Variants in HSD3B1 observed in about 807,000 individuals in gnomAD.
HSD3B1 encodes hydroxy-delta-5-steroid dehydrogenase, 3 beta- and steroid delta-isomerase 1.
Under a neutral mutation model 10.4 loss-of-function variants are expected in HSD3B1, and 11 were observed. The observed-to-expected ratio is 1.05, with a 90% CI of 0.66 to 1.75. The LOEUF (loss-of-function observed/expected upper bound fraction) is 1.75, where lower values mean the gene tolerates loss of function less well. HSD3B1 is among the 40% of genes most tolerant of loss of function. The pLI, the probability that HSD3B1 is intolerant of heterozygous loss-of-function variation, is 0.00. For synonymous variants in HSD3B1, 217 were observed against 185.4 expected (o/e 1.17, Z -1.39); for missense variants, 490 against 454.5 (o/e 1.08, Z -0.71).
Position 119,514,190 on chromosome 1 carries a change from C to T in HSD3B1, c.667C>T (p.Pro223Ser), listed in dbSNP as rs896344171. The T allele has an allele frequency of 5.0e-6, 8 of 1,613,330 alleles. No homozygotes were observed. The highest frequency in any genetic ancestry group is 6.8e-6 in the Non-Finnish European group (8 of 1,179,420). ...TGTTGGAAAGTTCTCCACTGTTAACCCAGTCTATGTTGGCAATGTGGCCTG... is the reference window on the plus strand; with the variant it reads ...TGTTGGAAAGTTCTCCACTGTTAACTCAGTCTATGTTGGCAATGTGGCCTG... The part of the protein sequence containing the change: ...SSVGKFSTVN[P>S]VYVGNVAWAH... The change falls in exon 4 of 4, where the codon CCA becomes TCA. Residue 223 changes from proline to serine, a missense_variant. By Grantham distance (74) the Pro-to-Ser change is moderately conservative. Transcript: ENST00000369413.
intron 3 of HSD3B1, 117 bp downstream of exon 3, chr1:119,511,784 T>A: frequency 1.0e-6 from 1 of 953,530 alleles, no homozygotes; most frequent in Non-Finnish European, 1.7e-6. Flanking sequence ...GCCAAGTGCC[T>A]TTGCTGATCA....
rs1208364227 is a variant in HSD3B1, at chr1:119,510,730, T to G, written c.146-773T>G. On this transcript the variant is annotated intron_variant, in intron 2 of 3. Coordinates refer to ENST00000369413, the MANE Select transcript of HSD3B1 (RefSeq NM_000862.3). ...TTGTGTGGTTTTCTTTTTTTTTTTT[T>G]TTTTTTTTTTTTTTTTTTTTTTTTG... Among the ~76,000 whole-genome samples the G allele has an allele frequency of 5.1e-4, 37 of 72,160 alleles. 2 individuals are homozygous for G. The highest frequency in any genetic ancestry group is 3.8e-3 in the African/African-American group (36 of 9,368). The allele number at this position is 72,160 out of a possible 152,430, so 47.3% of individuals were successfully genotyped here.
Position 119,508,156 on chromosome 1 carries a change from GGGGGAGAGAGAGTC to G in HSD3B1, c.145+561_145+574del, listed in dbSNP as rs201834332. The G allele has an allele frequency of 8.7e-4, 134 of 153,900 alleles. 1 individual carries two copies. Among genetic ancestry groups the G allele is most frequent in the African/African-American group, 2.1e-3 (85 of 39,986 alleles). 9.5% of individuals were successfully genotyped at this position (153,900 alleles called of 1,614,324 possible). ...TGACAGAGAGAGAGGAAAACAATAA[GGGGGAGAGAGAGTC>G]GGGGAGAGAGAGTCGGGGAGAGAGA... On this transcript the variant is annotated intron_variant, in intron 2 of 3. Coordinates refer to ENST00000369413, the MANE Select transcript of HSD3B1 (RefSeq NM_000862.3).
intron 2 of HSD3B1, chr1:119,507,967 A>G (rs1293781975): frequency 7.5e-6 from 2 of 267,014 alleles, no homozygotes; most frequent in East Asian, 1.9e-4. Flanking sequence ...CAATTGCTGT[A>G]CAACATTCAT....
intron 3 of HSD3B1, among the ~76,000 whole-genome samples, chr1:119,512,335 G>A (rs1653962058): frequency 6.6e-6 from 1 of 152,128 alleles, no homozygotes; most frequent in Non-Finnish European, 1.5e-5. Context: ...TGCCCAAAGT[G>A]CACCCTCATT....
chr1:119,514,191 C>T lies in HSD3B1; in HGVS notation c.668C>T (p.Pro223Leu). Residue 223 changes from proline (P) to leucine (L), a missense_variant, in exon 4 of 4, where the codon CCA becomes CTA. Coordinates refer to ENST00000369413, the MANE Select transcript of HSD3B1 (RefSeq NM_000862.3). ...SSVGKFSTVN[P>L]VYVGNVAWAH... Reference sequence around the variant, plus strand: ...GTTGGAAAGTTCTCCACTGTTAACCCAGTCTATGTTGGCAATGTGGCCTGG... The same window carrying T: ...GTTGGAAAGTTCTCCACTGTTAACCTAGTCTATGTTGGCAATGTGGCCTGG... 1.9e-6 allele frequency: 3 copies of T among 1,613,296 alleles called. No homozygotes were observed. The highest frequency in any genetic ancestry group is 2.5e-6 in the Non-Finnish European group (3 of 1,179,246).
At chr1:119,512,994 G>T (rs587690046) in intron 3 of HSD3B1, among the ~76,000 whole-genome samples, 1 of 152,200 alleles carries the variant, frequency 6.6e-6, no homozygotes, top group South Asian at 2.1e-4. Context: ...ACCTCCATGA[G>T]CTTTGCTTCT....
rs369447252 is a variant in HSD3B1, at chr1:119,513,949, T to C, written c.426T>C (p.His142=). ...NSYKEIIQNG[H]EEEPLENTWP... ...ACAAGGAAATCATCCAGAATGGCCATGAAGAAGAGCCTCTGGAAAACACAT... is the reference window on the plus strand; with the variant it reads ...ACAAGGAAATCATCCAGAATGGCCACGAAGAAGAGCCTCTGGAAAACACAT... Residue 142 remains histidine, a synonymous_variant, in exon 4 of 4, where the codon CAT becomes CAC. Coordinates refer to ENST00000369413, the MANE Select transcript of HSD3B1 (RefSeq NM_000862.3). 16 of 1,613,872 alleles carry C rather than the reference T, an allele frequency of 9.9e-6. No homozygotes were observed. The highest frequency in any genetic ancestry group is 8.9e-5 in the East Asian group (4 of 44,880).
intron 3 of HSD3B1, among the ~76,000 whole-genome samples, chr1:119,513,235 C>T (rs1249645947): frequency 6.6e-6 from 1 of 152,166 alleles, no homozygotes. Flanking sequence ...CCAGCATCTC[C>T]CCACAACCCA....
intron 2 of HSD3B1, among the ~76,000 whole-genome samples, chr1:119,508,945 C>A (rs587743735): frequency 6.6e-6 from 1 of 152,312 alleles, no homozygotes; most frequent in East Asian, 1.9e-4. Context: ...TGCAATTTAA[C>A]ATCTGAAGCC....
rs900028643 is a variant in HSD3B1 at position 119,510,572 on chromosome 1, G to T, written c.146-931G>T. Among the ~76,000 whole-genome samples the T allele has an allele frequency of 7.6e-4, 116 of 151,956 alleles. 8 individuals are homozygous for T. Among genetic ancestry groups the T allele is most frequent in the Non-Finnish European group, 4.4e-5 (3 of 67,944 alleles). On this transcript the variant is annotated intron_variant, in intron 2 of 3. Coordinates refer to ENST00000369413, the MANE Select transcript of HSD3B1 (RefSeq NM_000862.3). The stretch of plus-strand genomic sequence containing the variant: ...TGCTTCCAGTCCTCATCGAAACTTT[G>T]GCACAGACATTCTGATTAATCACTT...
chr1:119,513,768 C>G, intron 3 of HSD3B1, 66 bp from the exon 4 acceptor site: 1 of 1,470,648 alleles, frequency 6.8e-7, no homozygotes, highest in South Asian at 1.2e-5. Context: ...GCACATAGAT[C>G]TGTGTTCGTG....
Position 119,514,632 on chromosome 1 carries a change from C to T in HSD3B1, c.1109C>T (p.Ser370Phe). Residue 370 changes from serine (S) to phenylalanine (F), a missense_variant, in exon 4 of 4, where the codon TCC becomes TTC. By Grantham distance (155) the Ser-to-Phe change is radical (BLOSUM62 -2). Transcript: ENST00000369413. ...GACCGGCACAAGGAGACCCTGAAGT[C>T]CAAGACTCAGTGATTTAAGGATGAC... is the stretch of plus-strand genomic sequence containing the variant. ...LVDRHKETLK[S>F]KTQ 6.2e-7 allele frequency: 1 copy of T among 1,613,628 alleles called. No homozygotes were observed. The highest frequency in any genetic ancestry group is 2.2e-5 in the East Asian group (1 of 44,780).
intron 2 of HSD3B1, among the ~76,000 whole-genome samples, chr1:119,511,247 C>T (rs994033702): frequency 6.6e-6 from 1 of 152,164 alleles, no homozygotes; most frequent in Non-Finnish European, 1.5e-5. Flanking sequence ...ATATTCCAGG[C>T]ATACCTGACA....
chr1:119,514,244 C>A lies in HSD3B1; in HGVS notation c.721C>A (p.Gln241Lys), dbSNP rs2101465463. ...CCACATTCTGGCCTTGAGGGCCCTG[C>A]AGGACCCCAAGAAGGCCCCAAGCAT... is the stretch of plus-strand genomic sequence containing the variant. ...WAHILALRAL[Q>K]DPKKAPSIRG... The change falls in exon 4 of 4, where the codon CAG (glutamine) becomes AAG (lysine). Residue 241 changes from glutamine to lysine, a missense_variant. Physicochemically the swap from Gln to Lys is moderately conservative, Grantham distance 53. Transcript: ENST00000369413. 6.2e-7 allele frequency: 1 copy of A among 1,614,128 alleles called. No homozygotes were observed. Among genetic ancestry groups the A allele is most frequent in the African/African-American group, 1.3e-5 (1 of 75,030 alleles).
At position 119,507,436 on chromosome 1, in the gene HSD3B1, TTC is replaced by T. The variant is rs745674783; in HGVS notation, c.-39_-38del. 6.8e-6 allele frequency: 11 copies of T among 1,611,012 alleles called. No individual in the cohort carries two copies. Among genetic ancestry groups the T allele is most frequent in the Non-Finnish European group, 8.5e-6 (10 of 1,178,386 alleles). On this transcript the variant is annotated 5_prime_UTR_variant, in exon 2 of 4. Transcript: ENST00000369413. ...AGAATCAGATCTGCTCCCCAGCATC[TTC>T]TGTTTCCTGGTGAGTGATTCCTGCT...
chr1:119,510,911 T>TA (rs1183213113), intron 2 of HSD3B1, among the ~76,000 whole-genome samples: 1 of 151,650 alleles, frequency 6.6e-6, no homozygotes, highest in African/African-American at 2.4e-5. Context: ...CATGCCCAGC[T>TA]ATTTCATGTA....
intron 3 of HSD3B1, 97 bp from the exon 4 acceptor site, chr1:119,513,737 T>C (rs1198761102): frequency 4.5e-6 from 5 of 1,118,192 alleles, no homozygotes; most frequent in Non-Finnish European, 6.6e-6. Context: ...ACAACCACCA[T>C]ATTTGGGAGT....
In HSD3B1 at chr1:119,514,260, C is replaced by T. The variant is rs771204556; in HGVS notation, c.737C>T (p.Ala246Val). Residue 246 changes from alanine (A) to valine (V), a missense_variant, in exon 4 of 4, where the codon GCC (alanine) becomes GTC (valine). Ala to Val is a moderately conservative substitution (Grantham distance 64). Coordinates refer to ENST00000369413, the MANE Select transcript of HSD3B1 (RefSeq NM_000862.3). Reference sequence around the variant, plus strand: ...AGGGCCCTGCAGGACCCCAAGAAGGCCCCAAGCATCCGAGGACAGTTCTAC... The same window carrying T: ...AGGGCCCTGCAGGACCCCAAGAAGGTCCCAAGCATCCGAGGACAGTTCTAC... Reference protein sequence around the residue: ...ALRALQDPKKAPSIRGQFYYI... With the variant: ...ALRALQDPKKVPSIRGQFYYI... 8 of 1,614,088 alleles carry T rather than the reference C, an allele frequency of 5.0e-6. No homozygotes were observed. In the East Asian group the frequency reaches 1.3e-4, roughly 27 times the overall value.
Sources: gnomAD v4.1 joint callset for allele counts (sites outside exome capture counted in the v4.1 genomes callset) on GRCh38, gnomAD v4.1.1 for gene constraint, MANE v1.5 for transcripts, NCBI Gene and HGNC (gene_info 2026-07-23, HGNC 2026-07-21) for gene names.